RTN4RL1: variants seen among roughly 807,000 people sequenced by gnomAD.
RTN4RL1 encodes reticulon-4 receptor-like 1.
A neutral mutation model predicts 25.6 loss-of-function variants in RTN4RL1; 7 were observed. The ratio of observed to expected loss-of-function variants is 0.27; its 90% confidence interval spans 0.16 to 0.51. RTN4RL1 has a LOEUF of 0.51. Ranked by LOEUF, RTN4RL1 falls within the 20% of genes least tolerant of loss-of-function variation. The pLI, the probability that RTN4RL1 is intolerant of heterozygous loss-of-function variation, is 0.97. For synonymous variants in RTN4RL1, 297 were observed against 288.2 expected, an observed-to-expected ratio of 1.03 and a Z score of -0.31; for missense variants, 500 against 615.6, an observed-to-expected ratio of 0.81 and a Z score of 1.99.
chr17:1,949,729 G>A (rs1208403055), intron 1 of RTN4RL1, among the ~76,000 whole-genome samples: 5 of 152,158 alleles, frequency 3.3e-5, no homozygotes, highest in Non-Finnish European at 5.9e-5. Flanking sequence ...ACATTCTCCT[G>A]GGGGTGCAGT....
chr17:1,970,351 C>T (rs534002435), intron 1 of RTN4RL1, among the ~76,000 whole-genome samples: 123 of 152,288 alleles, frequency 8.1e-4, no homozygotes, highest in African/African-American at 2.7e-3. Context: ...GGTCTCTGTG[C>T]ACGATCTCTC....
At chr17:1,992,686 G>C (rs2066914585) in intron 1 of RTN4RL1, among the ~76,000 whole-genome samples, 2 of 152,264 alleles carry the variant, frequency 1.3e-5, no homozygotes. Flanking sequence ...GTGGGAGCCT[G>C]CTCAGCTCTT....
At chr17:1,961,796 A>AAAAAAAAAAAAAAAAAG in intron 1 of RTN4RL1, among the ~76,000 whole-genome samples, 1 of 145,282 alleles carries the variant, frequency 6.9e-6, no homozygotes, top group Admixed American at 6.9e-5. Flanking sequence ...AAAAAAAAAA[A>AAAAAAAAAAAAAAAAAG]AATTAGCAGG....
At chr17:1,939,880 C>G (rs1915405703) in intron 1 of RTN4RL1, among the ~76,000 whole-genome samples, 1 of 152,220 alleles carries the variant, frequency 6.6e-6, no homozygotes. Context: ...ACCCAGCTAG[C>G]CTCCAGCCCC....
chr17:1,982,335 G>C (rs1401605047), intron 1 of RTN4RL1, among the ~76,000 whole-genome samples: 1 of 146,574 alleles, frequency 6.8e-6, no homozygotes, highest in Admixed American at 6.8e-5. Context: ...AGAGGAAGCC[G>C]GGCGAGGTGC....
intron 1 of RTN4RL1, among the ~76,000 whole-genome samples, chr17:2,000,230 C>T (rs760889479): frequency 2.6e-5 from 4 of 152,244 alleles, no homozygotes; most frequent in Non-Finnish European, 4.4e-5. Flanking sequence ...GGGTTGGCTC[C>T]TGGAGCCCAG....
intron 1 of RTN4RL1, chr17:2,003,803 G>C (rs1438342700): frequency 1.3e-5 from 2 of 152,564 alleles, no homozygotes; most frequent in South Asian, 2.1e-4. Context: ...GGGCGCGGTG[G>C]CTCATGCCTG....
chr17:1,974,825 AGGGC>A, intron 1 of RTN4RL1, among the ~76,000 whole-genome samples: 1 of 152,186 alleles, frequency 6.6e-6, no homozygotes, highest in Non-Finnish European at 1.5e-5. Flanking sequence ...CTGAAGGCCG[AGGGC>A]AGGAGCCCAC....
At chr17:1,940,815 C>T (rs1026985094) in intron 1 of RTN4RL1, among the ~76,000 whole-genome samples, 6 of 152,178 alleles carry the variant, frequency 3.9e-5, no homozygotes, top group Non-Finnish European at 7.4e-5. Flanking sequence ...CCGCCCCGCT[C>T]TGCCACCCTG....
In RTN4RL1 at chr17:1,935,587, C is replaced by CT; in HGVS notation, c.*908dup. ...GGGATTCTAGACAAAAATTCTATCACTTTGTTTTTGCTAGAAATCACCAAT... is the reference window on the plus strand; with the variant it reads ...GGGATTCTAGACAAAAATTCTATCACTTTTGTTTTTGCTAGAAATCACCAAT... On this transcript the variant is annotated 3_prime_UTR_variant, in exon 2 of 2. Transcript: ENST00000331238. The CT allele has an allele frequency of 1.0e-6, 1 of 985,130 alleles. No homozygotes were observed. The highest frequency in any genetic ancestry group is 4.7e-5 in the South Asian group (1 of 21,282). The allele number at this position is 985,130 out of a possible 1,614,324, so 61.0% of individuals were successfully genotyped here. A position where few individuals can be genotyped will look rare whatever the true frequency, so the allele number is the denominator to read the frequency against.
At position 1,998,194 on chromosome 17, in the gene RTN4RL1, G is replaced by C. The variant is rs2151321201; in HGVS notation, c.13+26659C>G. 6.6e-6 allele frequency among the ~76,000 whole-genome samples: 1 copy of C among 152,252 alleles called. No homozygotes were observed. Among genetic ancestry groups the C allele is most frequent in the African/African-American group, 2.4e-5 (1 of 41,566 alleles). ...CCGGATTAAATATTTACTATGTTTTGTTTGGCCTTTGGGGGAGGGGCGGGG... is the reference window on the plus strand; with the variant it reads ...CCGGATTAAATATTTACTATGTTTTCTTTGGCCTTTGGGGGAGGGGCGGGG... On this transcript the variant is annotated intron_variant, in intron 1 of 1. Coordinates refer to ENST00000331238, the MANE Select transcript of RTN4RL1 (RefSeq NM_178568.4). This position sits in a 1 kb window ranked among gnomAD's most constrained non-coding sequence, Gnocchi z 4.9.
At chr17:1,999,406 A>G (rs2066946138) in intron 1 of RTN4RL1, among the ~76,000 whole-genome samples, 1 of 151,044 alleles carries the variant, frequency 6.6e-6, no homozygotes. Context: ...AGATCGCGCC[A>G]CTGCACTCCA....
rs564402670 is a variant in RTN4RL1, at chr17:1,975,791, C to T, written c.14-37983G>A. 1.1e-4 allele frequency among the ~76,000 whole-genome samples: 17 copies of T among 152,304 alleles called. No homozygotes were observed. In the South Asian group the frequency reaches 2.3e-3, roughly 20 times the overall value. Reference sequence around the variant, plus strand: ...TGCACCATTTGCAGATTTACTGAATCGAGAGCCAATTCTGACACAGTTTCT... The same window carrying T: ...TGCACCATTTGCAGATTTACTGAATTGAGAGCCAATTCTGACACAGTTTCT... On this transcript the variant is annotated intron_variant, in intron 1 of 1. Coordinates refer to ENST00000331238, the MANE Select transcript of RTN4RL1 (RefSeq NM_178568.4).
intron 1 of RTN4RL1, among the ~76,000 whole-genome samples, chr17:2,014,241 G>A (rs576816512): frequency 1.3e-5 from 2 of 152,196 alleles, no homozygotes; most frequent in African/African-American, 4.8e-5. Flanking sequence ...CAGCATGAGG[G>A]ATCTGGAGGG....
intron 1 of RTN4RL1, among the ~76,000 whole-genome samples, chr17:1,966,306 G>A (rs905424818): frequency 6.6e-6 from 1 of 152,210 alleles, no homozygotes; most frequent in Non-Finnish European, 1.5e-5. Context: ...CTGTTACCTG[G>A]GGAGGCCCTG....
At chr17:1,990,830 G>A (rs2066905483) in intron 1 of RTN4RL1, among the ~76,000 whole-genome samples, 1 of 152,192 alleles carries the variant, frequency 6.6e-6, no homozygotes, top group Non-Finnish European at 1.5e-5. Flanking sequence ...TGGGTTTTCC[G>A]TCTATCACAC....
At chr17:1,989,850 G>A (rs2066902009) in intron 1 of RTN4RL1, among the ~76,000 whole-genome samples, 1 of 151,988 alleles carries the variant, frequency 6.6e-6, no homozygotes, top group Non-Finnish European at 1.5e-5. Context: ...GGGATTACAG[G>A]TGTGAGCCAC....
rs1457629895 is a variant in RTN4RL1, at chr17:1,935,226, T to G, written c.*1270A>C. The stretch of plus-strand genomic sequence containing the variant: ...GGTCCGACCCTTTGGACTAACACTG[T>G]GGATGCTGCCTGGCCTGCTGGTTTC... On this transcript the variant is annotated 3_prime_UTR_variant, in exon 2 of 2. Transcript: ENST00000331238. 6 of 153,068 alleles carry G rather than the reference T, an allele frequency of 3.9e-5. No homozygotes were observed. Among genetic ancestry groups the G allele is most frequent in the African/African-American group, 1.2e-4 (5 of 41,468 alleles). 9.5% of individuals were successfully genotyped at this position (153,068 alleles called of 1,614,324 possible).
chr17:1,997,943 A>G (rs1385225817), intron 1 of RTN4RL1, among the ~76,000 whole-genome samples: 1 of 152,174 alleles, frequency 6.6e-6, no homozygotes, highest in Non-Finnish European at 1.5e-5. Context: ...TTCTGGGGAA[A>G]GCGTGGGCGC....
Sources: gnomAD v4.1 joint callset for allele counts (sites outside exome capture counted in the v4.1 genomes callset) on GRCh38, gnomAD v4.1.1 for gene constraint, Gnocchi (gnomAD v3.1) non-coding constraint, MANE v1.5 for transcripts, NCBI Gene and HGNC (gene_info 2026-07-23, HGNC 2026-07-21) for gene names.